Variants in SDK1 observed in about 807,000 individuals in gnomAD.
The protein encoded by SDK1 is sidekick cell adhesion molecule 1, also known as protein sidekick-1.
A neutral mutation model predicts 245.5 loss-of-function variants in SDK1; 157 were observed. The observed-to-expected ratio is 0.64, with a 90% confidence interval of 0.56 to 0.73. The LOEUF (loss-of-function observed/expected upper bound fraction) is 0.73, where lower values mean the gene tolerates loss of function less well. SDK1 is among the 30% of genes least tolerant of loss of function. SDK1 has a pLI of 0.00. For synonymous variants in SDK1, 1,647 were observed against 1,278.5 expected, an observed-to-expected ratio of 1.29 and a Z score of -6.15; for missense variants, 3,583 against 3,002.3, an observed-to-expected ratio of 1.19 and a Z score of -4.52.
intron 1 of SDK1, among the ~76,000 whole-genome samples, chr7:3,503,513 A>G (rs1034644036): frequency 6.6e-6 from 1 of 152,088 alleles, no homozygotes; most frequent in African/African-American, 2.4e-5. Flanking sequence ...ACCTTCCTCT[A>G]TAAAAAGTTA....
chr7:4,099,561 A>G (rs1782400652), intron 22 of SDK1, among the ~76,000 whole-genome samples: 1 of 86,722 alleles, frequency 1.2e-5, no homozygotes, highest in Non-Finnish European at 2.4e-5. Flanking sequence ...GTGAGCGCTC[A>G]CAGAGGATGA....
chr7:3,837,492 C>A (rs1461139331), intron 5 of SDK1, among the ~76,000 whole-genome samples: 1 of 152,160 alleles, frequency 6.6e-6, no homozygotes, highest in African/African-American at 2.4e-5. Flanking sequence ...TAAGATATTG[C>A]ATTTTGAAAG....
chr7:4,005,393 AGT>A (rs71032920), intron 14 of SDK1, among the ~76,000 whole-genome samples: 4,959 of 129,780 alleles, frequency 0.038, 86 homozygotes, highest in South Asian at 0.092. Flanking sequence ...TTCTTATGTG[AGT>A]GTGTGTGTGT....
chr7:3,982,469 A>G (rs1006140135), intron 13 of SDK1, among the ~76,000 whole-genome samples: 4 of 152,314 alleles, frequency 2.6e-5, no homozygotes, highest in African/African-American at 9.6e-5. Context: ...GTTGCCATGG[A>G]TGATAATTCC....
chr7:3,516,988 T>A (rs966199891), intron 1 of SDK1, among the ~76,000 whole-genome samples: 1 of 152,180 alleles, frequency 6.6e-6, no homozygotes, highest in South Asian at 2.1e-4. Context: ...AGGTGATGAG[T>A]GTGTGTGCCT....
intron 40 of SDK1, among the ~76,000 whole-genome samples, chr7:4,226,071 G>C (rs1785428988): frequency 6.6e-6 from 1 of 152,160 alleles, no homozygotes; most frequent in African/African-American, 2.4e-5. Context: ...TGGTACCTGA[G>C]GGCTTTGGAT....
At chr7:3,653,969 G>C (rs1322766918) in intron 4 of SDK1, among the ~76,000 whole-genome samples, 2 of 152,146 alleles carry the variant, frequency 1.3e-5, no homozygotes, top group African/African-American at 4.8e-5. Flanking sequence ...CAGAGATGGA[G>C]AGTATATGCT....
At chr7:3,563,501 A>G (rs555068257) in intron 1 of SDK1, among the ~76,000 whole-genome samples, 1 of 152,322 alleles carries the variant, frequency 6.6e-6, no homozygotes, top group South Asian at 2.1e-4. Context: ...TAAAGGGAAT[A>G]TGACAAGAAG....
At chr7:3,966,087 C>G (rs1462297426) in intron 9 of SDK1, among the ~76,000 whole-genome samples, 4 of 151,924 alleles carry the variant, frequency 2.6e-5, no homozygotes, top group Non-Finnish European at 5.9e-5. Flanking sequence ...AAGGGCAGCC[C>G]AAGGCTGGCT....
At chr7:3,311,754 T>C (rs961727159) in intron 1 of SDK1, among the ~76,000 whole-genome samples, 4 of 152,130 alleles carry the variant, frequency 2.6e-5, no homozygotes, top group Non-Finnish European at 5.9e-5. Flanking sequence ...ACAGAAACTG[T>C]GGACAAAATA....
At chr7:4,083,912 C>T (rs547001002) in intron 22 of SDK1, among the ~76,000 whole-genome samples, 8 of 151,716 alleles carry the variant, frequency 5.3e-5, no homozygotes, top group South Asian at 2.1e-4. Flanking sequence ...TAGGTCTAGT[C>T]GCCCCACTCA....
chr7:4,005,503 G>A (rs1388983173), intron 14 of SDK1, among the ~76,000 whole-genome samples: 2 of 150,222 alleles, frequency 1.3e-5, no homozygotes, highest in Non-Finnish European at 3.0e-5. Context: ...GACACCAGCT[G>A]CCCCGCTTCT....
intron 1 of SDK1, among the ~76,000 whole-genome samples, chr7:3,329,798 T>C (rs964983650): frequency 6.6e-6 from 1 of 152,240 alleles, no homozygotes; most frequent in Admixed American, 6.5e-5. Flanking sequence ...TATGCACACT[T>C]ATTTTTGTCA....
intron 1 of SDK1, among the ~76,000 whole-genome samples, chr7:3,529,258 T>G (rs115464768): frequency 1.9e-4 from 29 of 152,308 alleles, no homozygotes; most frequent in African/African-American, 6.7e-4. Flanking sequence ...CAATCACTTA[T>G]CAGCAGTGAG....
intron 1 of SDK1, among the ~76,000 whole-genome samples, chr7:3,538,980 C>T (rs568299446): frequency 1.3e-5 from 2 of 152,332 alleles, no homozygotes; most frequent in East Asian, 3.9e-4. Context: ...CCCAAACTGG[C>T]ATGTCTCTTC....
At chr7:3,753,582 C>T (rs1425398180) in intron 4 of SDK1, among the ~76,000 whole-genome samples, 1 of 152,326 alleles carries the variant, frequency 6.6e-6, no homozygotes, top group East Asian at 1.9e-4. Flanking sequence ...TCTGATTCCT[C>T]CCTCGAAGTC....
chr7:3,862,203 C>T (rs1443480861), intron 5 of SDK1, among the ~76,000 whole-genome samples: 1 of 152,182 alleles, frequency 6.6e-6, no homozygotes, highest in Admixed American at 6.5e-5. Flanking sequence ...CATATTTGAA[C>T]CACATGGCGG....
intron 4 of SDK1, among the ~76,000 whole-genome samples, chr7:3,682,301 C>G (rs755449174): frequency 2.6e-5 from 4 of 152,184 alleles, no homozygotes; most frequent in Non-Finnish European, 4.4e-5. Flanking sequence ...TCTTGTCTTT[C>G]GATTCTGTCC....
chr7:3,919,376 A>T (rs1779506440), intron 5 of SDK1, among the ~76,000 whole-genome samples: 1 of 152,142 alleles, frequency 6.6e-6, no homozygotes, highest in Admixed American at 6.5e-5. Context: ...TGCTGCTGCC[A>T]TGGGAACCAT....
Sources: gnomAD v4.1 joint callset for allele counts (sites outside exome capture counted in the v4.1 genomes callset) on GRCh38, gnomAD v4.1.1 for gene constraint, MANE v1.5 for transcripts, NCBI Gene and HGNC (gene_info 2026-07-23, HGNC 2026-07-21) for gene names.